NEO1: variants seen among roughly 807,000 people sequenced by gnomAD.
NEO1 encodes the protein neogenin.
In NEO1, 63 loss-of-function variants were observed where a neutral mutation model predicts 159.7. The observed-to-expected ratio is 0.39, with a 90% CI of 0.32 to 0.49. The LOEUF is 0.49. NEO1 is among the 20% of genes least tolerant of loss of function. NEO1 has a pLI of 0.85. For synonymous variants in NEO1, 633 were observed against 662.0 expected, an observed-to-expected ratio of 0.96 and a Z score of 0.67; for missense variants, 1,615 against 1,831.0, an observed-to-expected ratio of 0.88 and a Z score of 2.15.
chr15:73,253,357 G>A (rs1486656597), intron 11 of NEO1, 43 bp from the exon 12 acceptor site: 1 of 1,265,976 alleles, frequency 7.9e-7, no homozygotes, highest in Non-Finnish European at 1.1e-6. Flanking sequence ...GTGATGTATG[G>A]GTGATTAAAA....
chr15:73,272,548 A>T lies in NEO1; in HGVS notation c.2951A>T (p.Asn984Ile). The T allele has an allele frequency of 6.2e-7, 1 of 1,610,510 alleles. No individual in the cohort carries two copies. Among genetic ancestry groups the T allele is most frequent in the Non-Finnish European group, 8.5e-7 (1 of 1,176,710 alleles). ...IVNWQPPSEA[N>I]GKITGYIIYY... The stretch of plus-strand genomic sequence containing the variant: ...AATTGGCAGCCTCCCTCCGAAGCCA[A>T]TGGCAAAATTACAGGTAAAATGCAA... Residue 984 changes from asparagine (N) to isoleucine (I), a missense_variant, in exon 19 of 29, where the codon AAT becomes ATT. Physicochemically the swap from Asn to Ile is moderately radical, Grantham distance 149. Coordinates refer to ENST00000261908, the MANE Select transcript of NEO1 (RefSeq NM_002499.4).
chr15:73,238,732 C>G (rs1387267631), intron 8 of NEO1, among the ~76,000 whole-genome samples: 2 of 151,896 alleles, frequency 1.3e-5, no homozygotes, highest in African/African-American at 2.4e-5. Flanking sequence ...ACAAATAATA[C>G]AAGCAGATGA....
At chr15:73,149,925 T>C (rs1342797771) in intron 5 of NEO1, among the ~76,000 whole-genome samples, 1 of 152,208 alleles carries the variant, frequency 6.6e-6, no homozygotes, top group East Asian at 1.9e-4. Context: ...TATAGTCACC[T>C]TATTGTTGCT....
rs1328659689 is a variant in NEO1 at position 73,228,575 on chromosome 15, TG to T, written c.1292-7771del. 7.2e-5 allele frequency among the ~76,000 whole-genome samples: 11 copies of T among 152,074 alleles called. No individual in the cohort carries two copies. In the East Asian group the frequency reaches 2.1e-3, roughly 29 times the overall value. On this transcript the variant is annotated intron_variant, in intron 7 of 28. Transcript: ENST00000261908. ...TTTGTTGTTGTTGTTGTTTTTGTTTTGTTTTTTTCTGGGTTTTTTTTAGTGC... is the reference window on the plus strand; with the variant it reads ...TTTGTTGTTGTTGTTGTTTTTGTTTTTTTTTTTCTGGGTTTTTTTTAGTGC...
chr15:73,243,091 A>G (rs1396101154), intron 8 of NEO1, among the ~76,000 whole-genome samples: 1 of 152,250 alleles, frequency 6.6e-6, no homozygotes, highest in Non-Finnish European at 1.5e-5. Flanking sequence ...AGGTATCTCA[A>G]GTATCTCTGA....
At chr15:73,289,295 A>G in intron 25 of NEO1, 57 bp downstream of exon 25, 1 of 1,381,914 alleles carries the variant, frequency 7.2e-7, no homozygotes, top group Non-Finnish European at 1.0e-6. Context: ...CATGTAGGGG[A>G]ACAACTATGA....
At chr15:73,294,319 G>A (rs1020584623) in intron 26 of NEO1, among the ~76,000 whole-genome samples, 32 of 152,092 alleles carry the variant, frequency 2.1e-4, no homozygotes, top group African/African-American at 7.5e-4. Context: ...AGTTTTAAAC[G>A]GCAAGCCTAG....
chr15:73,220,943 A>G (rs930095175), intron 7 of NEO1, among the ~76,000 whole-genome samples: 18 of 152,320 alleles, frequency 1.2e-4, no homozygotes, highest in Admixed American at 2.6e-4. Context: ...GTCATTCTCT[A>G]TCCAGCTTTG....
intron 25 of NEO1, among the ~76,000 whole-genome samples, chr15:73,289,905 G>A (rs921717871): frequency 6.6e-5 from 10 of 152,156 alleles, no homozygotes; most frequent in South Asian, 2.1e-4. Flanking sequence ...AGCCAAAATC[G>A]TGCTGTTGCA....
intron 7 of NEO1, among the ~76,000 whole-genome samples, chr15:73,179,562 GA>G (rs1309255051): frequency 6.6e-6 from 1 of 152,182 alleles, no homozygotes; most frequent in Non-Finnish European, 1.5e-5. Flanking sequence ...AACCAGGAAG[GA>G]AACTCCTTTC....
At chr15:73,153,599 C>T (rs2033550344) in intron 5 of NEO1, among the ~76,000 whole-genome samples, 1 of 152,152 alleles carries the variant, frequency 6.6e-6, no homozygotes, top group African/African-American at 2.4e-5. Flanking sequence ...TGGCGAAAGT[C>T]GTTATTGTCA....
intron 4 of NEO1, among the ~76,000 whole-genome samples, chr15:73,134,045 A>G (rs1263970566): frequency 6.6e-6 from 1 of 152,164 alleles, no homozygotes; most frequent in Non-Finnish European, 1.5e-5. Flanking sequence ...TACATTGCTG[A>G]TTTCTCATTT....
intron 1 of NEO1, among the ~76,000 whole-genome samples, chr15:73,057,389 T>TTTA: frequency 6.6e-6 from 1 of 152,260 alleles, no homozygotes; most frequent in African/African-American, 2.4e-5. Context: ...AACACTTTAT[T>TTTA]TTATTAGTGA....
At chr15:73,296,422 G>T (rs994858416) in intron 26 of NEO1, among the ~76,000 whole-genome samples, 1 of 152,164 alleles carries the variant, frequency 6.6e-6, no homozygotes, top group Non-Finnish European at 1.5e-5. Context: ...CCTTTAAGGG[G>T]TGAGGAGTGA....
chr15:73,220,260 C>G (rs1183680422), intron 7 of NEO1, among the ~76,000 whole-genome samples: 2 of 152,182 alleles, frequency 1.3e-5, no homozygotes, highest in Non-Finnish European at 2.9e-5. Context: ...CCCCCACTCT[C>G]TTCTGGCTTG....
intron 7 of NEO1, among the ~76,000 whole-genome samples, chr15:73,200,523 T>G (rs1225239590): frequency 3.6e-5 from 5 of 140,440 alleles, no homozygotes; most frequent in African/African-American, 1.3e-4. Flanking sequence ...AGGGAGTCTC[T>G]AGAGAGAGAG....
intron 1 of NEO1, among the ~76,000 whole-genome samples, chr15:73,056,454 A>G (rs1265411678): frequency 1.3e-5 from 2 of 152,196 alleles, no homozygotes; most frequent in African/African-American, 4.8e-5. Flanking sequence ...CAACCTCTGA[A>G]GGGGTTGGCC....
At chr15:73,224,036 C>A (rs765592912) in intron 7 of NEO1, among the ~76,000 whole-genome samples, 42 of 152,158 alleles carry the variant, frequency 2.8e-4, no homozygotes, top group Non-Finnish European at 4.7e-4. Flanking sequence ...CTGGAAAAGA[C>A]TGTATCTTTC....
intron 27 of NEO1, 59 bp from the exon 28 acceptor site, chr15:73,301,255 AGGGCCTT>A: frequency 6.2e-7 from 1 of 1,602,534 alleles, no homozygotes; most frequent in Non-Finnish European, 8.5e-7. Flanking sequence ...CTTGGACCTT[AGGGCCTT>A]CATGAGGTCT....
Sources: allele counts gnomAD v4.1 joint callset (sites outside exome capture counted in the v4.1 genomes callset), GRCh38; gene constraint gnomAD v4.1.1; transcripts MANE v1.5; gene names NCBI Gene and HGNC (gene_info 2026-07-23, HGNC 2026-07-21).